The following PKP1 variants were observed in gnomAD, a reference collection of about 807,000 sequenced individuals.
PKP1 encodes the protein plakophilin-1.
A neutral mutation model predicts 76.4 loss-of-function variants in PKP1; 27 were observed. The ratio of observed to expected loss-of-function variants is 0.35; its 90% confidence interval spans 0.26 to 0.49. The LOEUF (loss-of-function observed/expected upper bound fraction) is 0.49, where lower values mean the gene tolerates loss of function less well. Ranked by LOEUF, PKP1 falls within the 20% of genes least tolerant of loss-of-function variation. The pLI is 0.99. For synonymous variants in PKP1, 404 were observed against 384.2 expected, an observed-to-expected ratio of 1.05 and a Z score of -0.60; for missense variants, 964 against 955.2, an observed-to-expected ratio of 1.01 and a Z score of -0.12.
intron 2 of PKP1, among the ~76,000 whole-genome samples, chr1:201,308,642 A>G (rs1656439141): frequency 6.6e-6 from 1 of 151,992 alleles, no homozygotes. Context: ...GAGCATCTGA[A>G]CAGAAGCAGG....
intron 1 of PKP1, among the ~76,000 whole-genome samples, chr1:201,286,093 C>A (rs533399481): frequency 5.5e-4 from 84 of 152,328 alleles, no homozygotes; most frequent in African/African-American, 1.9e-3. Flanking sequence ...AACACCCAAA[C>A]GTCCCCTATT....
At chr1:201,319,976 T>A (rs1417977338) in intron 6 of PKP1, 1 of 1,316,824 alleles carries the variant, frequency 7.6e-7, no homozygotes, top group Non-Finnish European at 1.1e-6. Context: ...AAGAACTGAG[T>A]GCAAATGAGA....
intron 13 of PKP1, 91 bp from the exon 14 acceptor site, chr1:201,329,983 G>A (rs532188035): frequency 6.6e-6 from 1 of 152,230 alleles, no homozygotes; most frequent in Non-Finnish European, 1.5e-5. Context: ...CTTGAGGGCC[G>A]ATGTGAGAAG....
At chr1:201,287,000 C>T (rs1451340415) in intron 1 of PKP1, among the ~76,000 whole-genome samples, 1 of 152,190 alleles carries the variant, frequency 6.6e-6, no homozygotes, top group African/African-American at 2.4e-5. Context: ...TCACACCCAG[C>T]TCAGTGAAAG....
At chr1:201,325,935 G>A (rs1040507332) in intron 12 of PKP1, 97 bp downstream of exon 12, 7 of 855,966 alleles carry the variant, frequency 8.2e-6, no homozygotes, top group African/African-American at 3.3e-5. Flanking sequence ...CTAGAGAAAC[G>A]CCCCTGCCCT....
chr1:201,320,283 G>T lies in PKP1; in HGVS notation c.1249G>T (p.Asp417Tyr). Reference sequence around the variant, plus strand: ...CTCCCCCAGGAACCTGAGCTCGGCCGATGCAGGCCGCCAGACCATGCGTAA... The same window carrying T: ...CTCCCCCAGGAACCTGAGCTCGGCCTATGCAGGCCGCCAGACCATGCGTAA... Reference protein sequence around the residue: ...TGCLRNLSSADAGRQTMRNYS... With the variant: ...TGCLRNLSSAYAGRQTMRNYS... The change falls in exon 7 of 14, where the codon GAT becomes TAT. Residue 417 changes from aspartate to tyrosine, a missense_variant. Transcript: ENST00000367324. 6.2e-7 allele frequency: 1 copy of T among 1,612,770 alleles called. No individual in the cohort carries two copies. The highest frequency in any genetic ancestry group is 8.5e-7 in the Non-Finnish European group (1 of 1,179,106).
intron 8 of PKP1, among the ~76,000 whole-genome samples, chr1:201,322,757 G>A (rs1267639939): frequency 6.6e-6 from 1 of 152,310 alleles, no homozygotes; most frequent in Middle Eastern, 3.4e-3. Flanking sequence ...CAAGATGCCA[G>A]GATGCTCTCT....
At chr1:201,309,767 G>T (rs961726751) in intron 2 of PKP1, among the ~76,000 whole-genome samples, 1 of 152,170 alleles carries the variant, frequency 6.6e-6, no homozygotes, top group African/African-American at 2.4e-5. Flanking sequence ...AAACGTGTGG[G>T]GACATTTTGC....
chr1:201,284,016 G>A lies in PKP1; in HGVS notation c.202+112G>A, dbSNP rs1655652725. 5.0e-6 allele frequency: 5 copies of A among 992,498 alleles called. No individual in the cohort carries two copies. The Admixed American group carries it at 9.9e-5, about 20-fold the overall frequency. 61.5% of individuals were successfully genotyped at this position (992,498 alleles called of 1,614,324 possible). A position where few individuals can be genotyped will look rare whatever the true frequency, so the allele number is the denominator to read the frequency against. ...CGGGGATGAGGGGAGGCGAGGGGCT[G>A]CCGGCCCCAGGCAGGGTCTACGCAC... On this transcript the variant is annotated intron_variant, in intron 1 of 13. Coordinates refer to ENST00000367324, the MANE Select transcript of PKP1 (RefSeq NM_001005337.3).
intron 12 of PKP1, among the ~76,000 whole-genome samples, chr1:201,326,919 G>A (rs1373505967): frequency 6.6e-6 from 1 of 152,206 alleles, no homozygotes; most frequent in Non-Finnish European, 1.5e-5. Context: ...CTGAAGACCT[G>A]GTAAGAAGAG....
At chr1:201,290,715 T>G (rs1655892171) in intron 1 of PKP1, among the ~76,000 whole-genome samples, 1 of 152,124 alleles carries the variant, frequency 6.6e-6, no homozygotes, top group Admixed American at 6.5e-5. Context: ...CTCAAGCCAG[T>G]CAGGCCCAGA....
At chr1:201,323,326 G>A in intron 9 of PKP1, 137 bp downstream of exon 9, 2 of 797,190 alleles carry the variant, frequency 2.5e-6, no homozygotes, top group Non-Finnish European at 4.2e-6. Flanking sequence ...GGCATATGCT[G>A]GGCTCTGGGC....
intron 2 of PKP1, among the ~76,000 whole-genome samples, chr1:201,301,541 C>T (rs952240703): frequency 6.6e-6 from 1 of 152,152 alleles, no homozygotes; most frequent in South Asian, 2.1e-4. Context: ...TACTGTGAGG[C>T]AGACAATTCC....
chr1:201,317,371 C>T (rs571530605), intron 4 of PKP1, among the ~76,000 whole-genome samples: 1 of 152,230 alleles, frequency 6.6e-6, no homozygotes, highest in African/African-American at 2.4e-5. Context: ...GATATGGGAG[C>T]TAGGATCTGA....
At chr1:201,306,957 A>C (rs567312109) in intron 2 of PKP1, among the ~76,000 whole-genome samples, 2 of 152,224 alleles carry the variant, frequency 1.3e-5, no homozygotes, top group Admixed American at 1.3e-4. Context: ...GGCATGAGCC[A>C]CCGCACCTGG....
chr1:201,320,503 A>T, intron 7 of PKP1, 122 bp downstream of exon 7: 1 of 727,408 alleles, frequency 1.4e-6, no homozygotes, highest in Non-Finnish European at 2.5e-6. Context: ...TAGAAGAGGC[A>T]TCTGGATGCA....
intron 3 of PKP1, among the ~76,000 whole-genome samples, chr1:201,315,945 A>C (rs1656706737): frequency 6.6e-6 from 1 of 152,216 alleles, no homozygotes; most frequent in Non-Finnish European, 1.5e-5. Flanking sequence ...TAAAGTGATC[A>C]AGATCAGGAA....
intron 1 of PKP1, among the ~76,000 whole-genome samples, chr1:201,292,864 C>T (rs540596708): frequency 2.0e-5 from 3 of 152,330 alleles, no homozygotes; most frequent in South Asian, 2.1e-4. Context: ...GCTTGCTCTT[C>T]GTGGAGCTCC....
chr1:201,318,351 G>C (rs1108495), intron 5 of PKP1, among the ~76,000 whole-genome samples: 1 of 152,184 alleles, frequency 6.6e-6, no homozygotes, highest in South Asian at 2.1e-4. Flanking sequence ...TCAATCAAAC[G>C]TTTTTTGATC....
Sources: allele counts gnomAD v4.1 joint callset (sites outside exome capture counted in the v4.1 genomes callset), GRCh38; gene constraint gnomAD v4.1.1; transcripts MANE v1.5; gene names NCBI Gene and HGNC (gene_info 2026-07-23, HGNC 2026-07-21).